The following DYNC1I1 variants were observed in gnomAD, a reference collection of about 807,000 sequenced individuals.
The protein encoded by DYNC1I1 is dynein cytoplasmic 1 intermediate chain 1.
In DYNC1I1, 43 loss-of-function variants were observed where a neutral mutation model predicts 86.6. That is an observed-to-expected ratio of 0.50 (90% CI 0.39 to 0.64). The LOEUF (loss-of-function observed/expected upper bound fraction) is 0.64, where lower values mean the gene tolerates loss of function less well. DYNC1I1 is among the 30% of genes least tolerant of loss of function. DYNC1I1 has a pLI of 0.00. For synonymous variants in DYNC1I1, 262 were observed against 283.7 expected (o/e 0.92, Z 0.77); for missense variants, 604 against 788.8 (o/e 0.77, Z 2.81).
chr7:96,106,297 C>T (rs970501067), intron 16 of DYNC1I1, among the ~76,000 whole-genome samples: 1 of 152,050 alleles, frequency 6.6e-6, no homozygotes, highest in Non-Finnish European at 1.5e-5. Context: ...CTTTGGGAGG[C>T]CGAGGCAGGT....
intron 6 of DYNC1I1, among the ~76,000 whole-genome samples, chr7:95,915,596 G>A (rs1791448281): frequency 6.6e-6 from 1 of 152,122 alleles, no homozygotes; most frequent in Admixed American, 6.5e-5. Context: ...ATCTATATGT[G>A]TGAGAAACTC....
At chr7:96,076,234 G>C (rs1442036377) in intron 15 of DYNC1I1, 37 bp downstream of exon 15, 5 of 1,608,700 alleles carry the variant, frequency 3.1e-6, no homozygotes, top group African/African-American at 1.3e-5. Flanking sequence ...CGGAGGGCTG[G>C]GAGGGGGGCG....
At chr7:95,787,511 C>T (rs1053942665) in intron 1 of DYNC1I1, among the ~76,000 whole-genome samples, 4 of 152,084 alleles carry the variant, frequency 2.6e-5, no homozygotes, top group African/African-American at 9.7e-5. Flanking sequence ...CTAGGGGAAT[C>T]CTAAAACCAA....
At chr7:96,074,952 A>T (rs948471791) in intron 14 of DYNC1I1, among the ~76,000 whole-genome samples, 1 of 152,246 alleles carries the variant, frequency 6.6e-6, no homozygotes, top group African/African-American at 2.4e-5. Flanking sequence ...ACATTGGGGA[A>T]AAAAACTCCC....
At chr7:96,025,669 T>A (rs1248390607) in intron 10 of DYNC1I1, among the ~76,000 whole-genome samples, 2 of 152,146 alleles carry the variant, frequency 1.3e-5, no homozygotes, top group Non-Finnish European at 2.9e-5. Context: ...AAGTGTTGGA[T>A]GAATGAATGA....
At chr7:95,804,642 T>G in intron 1 of DYNC1I1, 79 bp from the exon 2 acceptor site, 1 of 1,392,336 alleles carries the variant, frequency 7.2e-7, no homozygotes, top group Non-Finnish European at 9.5e-7. Flanking sequence ...AAGTTGCATT[T>G]TCTTTAAAAT....
intron 6 of DYNC1I1, among the ~76,000 whole-genome samples, chr7:95,942,680 A>C (rs1399464970): frequency 6.6e-6 from 1 of 150,670 alleles, no homozygotes; most frequent in Non-Finnish European, 1.5e-5. Context: ...CACCATGATC[A>C]AGTGGGCTTC....
chr7:96,097,851 T>C lies in DYNC1I1; in HGVS notation c.*258T>C. The C allele has an allele frequency of 8.4e-7, 1 of 1,193,132 alleles. No individual in the cohort carries two copies. The highest frequency in any genetic ancestry group is 1.0e-6 in the Non-Finnish European group (1 of 956,494). 73.9% of individuals were successfully genotyped at this position (1,193,132 alleles called of 1,614,324 possible). On this transcript the variant is annotated 3_prime_UTR_variant, in exon 17 of 17. Coordinates refer to ENST00000447467, the MANE Select transcript of DYNC1I1 (RefSeq NM_001135556.2). ...AGAAGGGGGTTATGGGTTAAGTTGC[T>C]GCCTTTTAACTACTTTGTAGCTGTA...
At chr7:95,856,132 T>C (rs554268454) in intron 5 of DYNC1I1, among the ~76,000 whole-genome samples, 2 of 152,212 alleles carry the variant, frequency 1.3e-5, no homozygotes, top group Non-Finnish European at 2.9e-5. Context: ...TAATATTCTG[T>C]AAGATTTTTC....
At chr7:95,886,546 C>T (rs1263340954) in intron 6 of DYNC1I1, among the ~76,000 whole-genome samples, 1 of 152,130 alleles carries the variant, frequency 6.6e-6, no homozygotes, top group Non-Finnish European at 1.5e-5. Context: ...AGCCAGAATT[C>T]ACACTCAGTG....
chr7:95,773,338 C>T (rs1793755715), intron 1 of DYNC1I1, among the ~76,000 whole-genome samples: 1 of 152,178 alleles, frequency 6.6e-6, no homozygotes, highest in Admixed American at 6.5e-5. Context: ...CTCTCTGCTG[C>T]GAAAAAGTGT....
chr7:95,823,993 GTTTTT>G (rs10550145), intron 4 of DYNC1I1, among the ~76,000 whole-genome samples: 5 of 78,408 alleles, frequency 6.4e-5, no homozygotes, highest in African/African-American at 1.7e-4. Context: ...TTGGTTTTTT[GTTTTT>G]TTTTTTTTTT....
chr7:95,790,262 T>A (rs1219174857), intron 1 of DYNC1I1, among the ~76,000 whole-genome samples: 5 of 152,208 alleles, frequency 3.3e-5, no homozygotes, highest in Non-Finnish European at 7.3e-5. Context: ...CAAACTAAGA[T>A]GGTTGCTCAC....
chr7:96,021,780 GC>G (rs1162153585), intron 10 of DYNC1I1, among the ~76,000 whole-genome samples: 1 of 152,082 alleles, frequency 6.6e-6, no homozygotes. Context: ...CCTTTTATGA[GC>G]TGTTTCAGTT....
intron 14 of DYNC1I1, 77 bp from the exon 15 acceptor site, chr7:96,075,980 A>C: frequency 6.5e-7 from 1 of 1,539,246 alleles, no homozygotes; most frequent in Non-Finnish European, 8.7e-7. Context: ...GAATGTGCAA[A>C]GTTTTTAATT....
At chr7:95,946,484 C>G (rs1792405133) in intron 6 of DYNC1I1, among the ~76,000 whole-genome samples, 1 of 152,160 alleles carries the variant, frequency 6.6e-6, no homozygotes, top group South Asian at 2.1e-4. Flanking sequence ...GCCACCTCCT[C>G]CACAAAAATC....
chr7:95,854,739 A>G (rs1302534377), intron 5 of DYNC1I1, among the ~76,000 whole-genome samples: 1 of 152,220 alleles, frequency 6.6e-6, no homozygotes, highest in Non-Finnish European at 1.5e-5. Context: ...TTCACAAATC[A>G]GGTAGGCCCC....
chr7:96,027,054 C>T (rs540510691), intron 10 of DYNC1I1, among the ~76,000 whole-genome samples: 75 of 152,358 alleles, frequency 4.9e-4, no homozygotes, highest in South Asian at 1.0e-3. Context: ...CCTGCCCATA[C>T]GACTGTGTTT....
intron 1 of DYNC1I1, among the ~76,000 whole-genome samples, chr7:95,787,411 G>A (rs935727269): frequency 6.6e-6 from 1 of 152,142 alleles, no homozygotes; most frequent in African/African-American, 2.4e-5. Flanking sequence ...GGACTGGGAA[G>A]GGAGGCAGAA....
Sources: gnomAD v4.1 joint callset for allele counts (sites outside exome capture counted in the v4.1 genomes callset) on GRCh38, gnomAD v4.1.1 for gene constraint, MANE v1.5 for transcripts, NCBI Gene and HGNC (gene_info 2026-07-23, HGNC 2026-07-21) for gene names.